The following PHACTR1 variants were observed in gnomAD, a reference collection of about 807,000 sequenced individuals.
The protein encoded by PHACTR1 is phosphatase and actin regulator 1, also known as RPEL repeat containing 1.
A neutral mutation model predicts 69.2 loss-of-function variants in PHACTR1; 16 were observed. The observed-to-expected ratio is 0.23, with a 90% CI of 0.16 to 0.35. The LOEUF (loss-of-function observed/expected upper bound fraction) is 0.35, where lower values mean the gene tolerates loss of function less well. PHACTR1 is among the 10% of genes least tolerant of loss of function. PHACTR1 has a pLI of 1.00. For missense variants in PHACTR1, 510 were observed against 734.7 expected (o/e 0.69, Z 3.54); for synonymous variants, 312 against 284.5 (o/e 1.10, Z -0.97).
intron 4 of PHACTR1, among the ~76,000 whole-genome samples, chr6:12,784,553 ATATC>A (rs1450527684): frequency 2.6e-5 from 4 of 151,546 alleles, no homozygotes; most frequent in Admixed American, 6.6e-5. Flanking sequence ...ACACACATAT[ATATC>A]TATACACATA....
chr6:13,251,745 G>T (rs1163637892), intron 10 of PHACTR1, among the ~76,000 whole-genome samples: 1 of 152,056 alleles, frequency 6.6e-6, no homozygotes, highest in Non-Finnish European at 1.5e-5. Flanking sequence ...TCTCTCTCAA[G>T]CCATTGAGTA....
intron 4 of PHACTR1, among the ~76,000 whole-genome samples, chr6:12,990,205 C>A (rs574622117): frequency 4.6e-4 from 70 of 152,320 alleles, no homozygotes; most frequent in Non-Finnish European, 8.8e-4. Context: ...GGGCCCAGAC[C>A]AGACCTGTGC....
intron 4 of PHACTR1, among the ~76,000 whole-genome samples, chr6:12,958,310 C>T (rs896731523): frequency 6.6e-6 from 1 of 152,204 alleles, no homozygotes; most frequent in Non-Finnish European, 1.5e-5. Context: ...GCAATGGAGA[C>T]TTGCTGGGAG....
intron 10 of PHACTR1, among the ~76,000 whole-genome samples, chr6:13,254,660 GTTT>G (rs1434110718): frequency 3.9e-5 from 6 of 152,180 alleles, no homozygotes; most frequent in Non-Finnish European, 8.8e-5. Flanking sequence ...CCTGAGGAGG[GTTT>G]ATTTACAACA....
rs1297663406 is a variant in PHACTR1, at chr6:13,101,718, AAAGT to A, written c.415+48191_415+48194del. Among the ~76,000 whole-genome samples, 3 of 152,188 alleles carry A rather than the reference AAAGT, an allele frequency of 2.0e-5. No individual in the cohort carries two copies. In the East Asian group the frequency reaches 5.8e-4, roughly 29 times the overall value. ...AAGCAGCACGTGGGCTGACCAGCAA[AAAGT>A]ATGTTGCCAGAATCTGAATAAGTAG... On this transcript the variant is annotated intron_variant, in intron 5 of 14. Transcript: ENST00000332995.
intron 7 of PHACTR1, among the ~76,000 whole-genome samples, chr6:13,204,804 G>A (rs941037058): frequency 5.3e-5 from 8 of 152,308 alleles, no homozygotes; most frequent in African/African-American, 1.4e-4. Flanking sequence ...CAGGATGGTC[G>A]TCCCTAGGTG....
At chr6:12,766,611 G>C (rs1768647382) in intron 4 of PHACTR1, among the ~76,000 whole-genome samples, 2 of 152,200 alleles carry the variant, frequency 1.3e-5, no homozygotes, top group African/African-American at 4.8e-5. Context: ...ATGGAAGTCA[G>C]CAAAAACAAC....
chr6:12,826,482 G>A (rs999179626), intron 4 of PHACTR1, among the ~76,000 whole-genome samples: 1 of 152,278 alleles, frequency 6.6e-6, no homozygotes, highest in South Asian at 2.1e-4. Context: ...TTGCCTGTGA[G>A]ATTATCATCT....
chr6:13,256,441 C>G (rs1477251221), intron 10 of PHACTR1, among the ~76,000 whole-genome samples: 1 of 152,234 alleles, frequency 6.6e-6, no homozygotes, highest in African/African-American at 2.4e-5. Context: ...AATTCCTCCC[C>G]TGAAAATGGG....
chr6:12,836,342 A>G (rs1204599773), intron 4 of PHACTR1, among the ~76,000 whole-genome samples: 6 of 152,194 alleles, frequency 3.9e-5, no homozygotes, highest in African/African-American at 1.4e-4. Context: ...CAAGCAATTT[A>G]CCTGAATTCT....
intron 3 of PHACTR1, among the ~76,000 whole-genome samples, chr6:12,740,138 C>T (rs1276928478): frequency 6.6e-6 from 1 of 152,042 alleles, no homozygotes; most frequent in African/African-American, 2.4e-5. Flanking sequence ...CTAAGAGATT[C>T]GTCCTTGTTG....
intron 10 of PHACTR1, among the ~76,000 whole-genome samples, chr6:13,236,334 A>G (rs913725702): frequency 3.9e-5 from 6 of 152,206 alleles, no homozygotes; most frequent in Admixed American, 1.3e-4. Context: ...GACTTTATTT[A>G]AGCTACTTGG....
intron 4 of PHACTR1, among the ~76,000 whole-genome samples, chr6:12,966,205 G>C (rs72820847): frequency 0.19 from 29,273 of 152,050 alleles, 3,183 homozygotes; most frequent in South Asian, 0.28. Context: ...AGCAAGTAAG[G>C]ACTCAGGCTG....
chr6:12,836,336 C>G (rs781126903), intron 4 of PHACTR1, among the ~76,000 whole-genome samples: 2 of 152,162 alleles, frequency 1.3e-5, no homozygotes, highest in East Asian at 1.9e-4. Flanking sequence ...ATTGGGCAAG[C>G]AATTTACCTG....
At chr6:13,237,199 C>A (rs1258234639) in intron 10 of PHACTR1, among the ~76,000 whole-genome samples, 2 of 151,806 alleles carry the variant, frequency 1.3e-5, no homozygotes, top group Non-Finnish European at 2.9e-5. Flanking sequence ...CAACACAGAC[C>A]CCATGTTGAC....
intron 4 of PHACTR1, among the ~76,000 whole-genome samples, chr6:13,034,449 C>G (rs145482790): frequency 6.6e-6 from 1 of 152,302 alleles, no homozygotes; most frequent in Non-Finnish European, 1.5e-5. Context: ...GATTTTTCCC[C>G]TCCAAACCAC....
intron 4 of PHACTR1, among the ~76,000 whole-genome samples, chr6:12,765,627 C>A (rs1320308765): frequency 1.3e-5 from 2 of 152,152 alleles, no homozygotes; most frequent in Non-Finnish European, 2.9e-5. Context: ...ACAAACCTGT[C>A]CCCTCAGAGC....
chr6:13,019,074 A>ATATT (rs1404445936), intron 4 of PHACTR1, among the ~76,000 whole-genome samples: 2 of 143,656 alleles, frequency 1.4e-5, no homozygotes, highest in African/African-American at 5.2e-5. Flanking sequence ...ATATATATAT[A>ATATT]TTTTTTCTTT....
intron 7 of PHACTR1, among the ~76,000 whole-genome samples, chr6:13,188,248 G>A (rs896529523): frequency 6.6e-6 from 1 of 152,172 alleles, no homozygotes; most frequent in African/African-American, 2.4e-5. Flanking sequence ...CTATCCTTTT[G>A]GGCTTAAACT....
Sources: gnomAD v4.1 joint callset for allele counts (sites outside exome capture counted in the v4.1 genomes callset) on GRCh38, gnomAD v4.1.1 for gene constraint, MANE v1.5 for transcripts, NCBI Gene and HGNC (gene_info 2026-07-23, HGNC 2026-07-21) for gene names.